The following CNTN6 variants were observed in gnomAD, a reference collection of about 807,000 sequenced individuals.
The protein encoded by CNTN6 is contactin-6.
A neutral mutation model predicts 122.8 loss-of-function variants in CNTN6; 137 were observed. The ratio of observed to expected loss-of-function variants is 1.12; its 90% CI spans 0.97 to 1.29. The LOEUF (loss-of-function observed/expected upper bound fraction) is 1.29, where lower values mean the gene tolerates loss of function less well. Ranked by LOEUF, CNTN6 falls within the 50% of genes most tolerant of loss-of-function variation. The pLI, the probability that CNTN6 is intolerant of heterozygous loss-of-function variation, is 0.00. For missense variants in CNTN6, 1,634 were observed against 1,223.4 expected (o/e 1.34, Z -5.01); for synonymous variants, 570 against 426.0 (o/e 1.34, Z -4.16).
intron 5 of CNTN6, among the ~76,000 whole-genome samples, chr3:1,280,710 C>A (rs1171032233): frequency 1.3e-5 from 2 of 151,892 alleles, no homozygotes; most frequent in Non-Finnish European, 2.9e-5. Context: ...GGTGATCTGC[C>A]CACCTCGGCC....
At position 1,182,667 on chromosome 3, in the gene CNTN6, C is replaced by A. The variant is rs190064071; in HGVS notation, c.55+34604C>A. On this transcript the variant is annotated intron_variant, in intron 2 of 22. Transcript: ENST00000446702. ...TATACAAAGTACGCCTATAGTTATACCATGTATCACACATTTCATATGAGT... is the reference window on the plus strand; with the variant it reads ...TATACAAAGTACGCCTATAGTTATAACATGTATCACACATTTCATATGAGT... 2.7e-3 allele frequency among the ~76,000 whole-genome samples: 411 copies of A among 151,710 alleles called. 3 individuals carry two copies. Among genetic ancestry groups the A allele is most frequent in the African/African-American group, 9.7e-3 (402 of 41,364 alleles).
intron 20 of CNTN6, among the ~76,000 whole-genome samples, chr3:1,390,851 A>C (rs1385919374): frequency 2.0e-5 from 3 of 150,840 alleles, no homozygotes; most frequent in Non-Finnish European, 4.4e-5. Context: ...CCAAGACTAA[A>C]CCAGGAAGAA....
At chr3:1,182,065 G>A (rs892248098) in intron 2 of CNTN6, among the ~76,000 whole-genome samples, 7 of 151,406 alleles carry the variant, frequency 4.6e-5, no homozygotes, top group Non-Finnish European at 1.0e-4. Context: ...ATTCTTTCTA[G>A]GCATTCAATA....
rs554070204 is a variant in CNTN6, at chr3:1,278,768, A to G, written c.454+260A>G. Among the ~76,000 whole-genome samples, 28 of 152,328 alleles carry G rather than the reference A, an allele frequency of 1.8e-4. No homozygotes were observed. In the East Asian group the frequency reaches 5.2e-3, roughly 28 times the overall value. ...CGTAGTGTGAGTGCCAGGGCTTTTT[A>G]GAGAAACTGACCGCAGCTGTAATTC... On this transcript the variant is annotated intron_variant, in intron 5 of 22. Coordinates refer to ENST00000446702, the MANE Select transcript of CNTN6 (RefSeq NM_001289080.2).
At chr3:1,202,378 A>T (rs1047250447) in intron 2 of CNTN6, among the ~76,000 whole-genome samples, 1 of 151,396 alleles carries the variant, frequency 6.6e-6, no homozygotes, top group Admixed American at 6.6e-5. Flanking sequence ...GTCTCTACTA[A>T]AAATACAAGA....
chr3:1,252,202 A>C (rs1246950186), intron 4 of CNTN6, among the ~76,000 whole-genome samples: 2 of 152,168 alleles, frequency 1.3e-5, no homozygotes, highest in Non-Finnish European at 2.9e-5. Flanking sequence ...ATCTGCCAAC[A>C]ATCACTTTCT....
chr3:1,293,723 G>A (rs1228179902), intron 5 of CNTN6, among the ~76,000 whole-genome samples: 1 of 152,078 alleles, frequency 6.6e-6, no homozygotes, highest in African/African-American at 2.4e-5. Flanking sequence ...TTTTGAGTTA[G>A]TTGCAGTATA....
chr3:1,337,094 G>A (rs17037932), intron 11 of CNTN6, among the ~76,000 whole-genome samples: 4,682 of 152,218 alleles, frequency 0.031, 121 homozygotes, highest in South Asian at 0.055. Flanking sequence ...TTAGCATAAT[G>A]CCTGACACAG....
intron 1 of CNTN6, among the ~76,000 whole-genome samples, chr3:1,114,917 C>T (rs2091647500): frequency 6.6e-6 from 1 of 152,162 alleles, no homozygotes; most frequent in Non-Finnish European, 1.5e-5. Flanking sequence ...GGCTCAGAAG[C>T]TGGGCATCTT....
At chr3:1,150,434 A>C (rs1314537987) in intron 2 of CNTN6, among the ~76,000 whole-genome samples, 1 of 152,138 alleles carries the variant, frequency 6.6e-6, no homozygotes, top group Non-Finnish European at 1.5e-5. Context: ...ATTTTTTGAC[A>C]ACCTCTCCCC....
chr3:1,364,198 G>T (rs187054407), intron 12 of CNTN6, among the ~76,000 whole-genome samples: 9 of 151,822 alleles, frequency 5.9e-5, no homozygotes, highest in African/African-American at 1.9e-4. Flanking sequence ...TTAGAAAAAA[G>T]ACCAATTTTT....
At chr3:1,182,287 T>A (rs925201313) in intron 2 of CNTN6, among the ~76,000 whole-genome samples, 4 of 152,188 alleles carry the variant, frequency 2.6e-5, no homozygotes, top group African/African-American at 7.2e-5. Flanking sequence ...AGAACTGGAA[T>A]CTGATGATGA....
intron 17 of CNTN6, among the ~76,000 whole-genome samples, chr3:1,379,231 A>G (rs1710313706): frequency 6.6e-6 from 1 of 152,132 alleles, no homozygotes; most frequent in Non-Finnish European, 1.5e-5. Context: ...TTTTTCTTTA[A>G]GGCAAAGGTA....
At chr3:1,263,843 C>G (rs1005764003) in intron 4 of CNTN6, among the ~76,000 whole-genome samples, 1 of 151,554 alleles carries the variant, frequency 6.6e-6, no homozygotes, top group African/African-American at 2.4e-5. Flanking sequence ...GGGAAAAATA[C>G]AGAGTGATAG....
chr3:1,272,998 C>T (rs1173913298), intron 4 of CNTN6, among the ~76,000 whole-genome samples: 2 of 152,172 alleles, frequency 1.3e-5, no homozygotes, highest in Non-Finnish European at 2.9e-5. Flanking sequence ...CTTTAAAGCT[C>T]ATTTTATGGG....
intron 1 of CNTN6, among the ~76,000 whole-genome samples, chr3:1,117,575 C>T (rs751328831): frequency 6.6e-5 from 10 of 152,126 alleles, no homozygotes; most frequent in Non-Finnish European, 1.2e-4. Context: ...ATTTGTACTG[C>T]AGGAAATGAA....
At chr3:1,282,040 C>T (rs779953984) in intron 5 of CNTN6, among the ~76,000 whole-genome samples, 44 of 151,482 alleles carry the variant, frequency 2.9e-4, no homozygotes, top group Non-Finnish European at 5.4e-4. Flanking sequence ...GAAAAAGTAT[C>T]GACATGGCTA....
chr3:1,232,491 G>A (rs2094364841), intron 4 of CNTN6, among the ~76,000 whole-genome samples: 2 of 152,172 alleles, frequency 1.3e-5, no homozygotes, highest in Admixed American at 1.3e-4. Flanking sequence ...AAGTGCTAAC[G>A]CCTACAAAGT....
intron 2 of CNTN6, among the ~76,000 whole-genome samples, chr3:1,150,695 G>C (rs2125184757): frequency 6.6e-6 from 1 of 152,294 alleles, no homozygotes; most frequent in African/African-American, 2.4e-5. Flanking sequence ...TGATATGCAT[G>C]ACAGGCTAAA....
Sources: allele counts gnomAD v4.1 joint callset (sites outside exome capture counted in the v4.1 genomes callset), GRCh38; gene constraint gnomAD v4.1.1; transcripts MANE v1.5; gene names NCBI Gene and HGNC (gene_info 2026-07-23, HGNC 2026-07-21).